Variants in ENOX1 observed in about 807,000 individuals in gnomAD.
ENOX1 encodes the protein candidate growth-related and time keeping constitutive hydroquinone (NADH) oxidase.
A neutral mutation model predicts 82.5 loss-of-function variants in ENOX1; 42 were observed. The ratio of observed to expected loss-of-function variants is 0.51; its 90% CI spans 0.40 to 0.66. The LOEUF is 0.66. Among genes scored for constraint, ENOX1 ranks in the 30% least tolerant of loss-of-function variants. The pLI is 0.00. For missense variants in ENOX1, 608 were observed against 811.6 expected, an observed-to-expected ratio of 0.75 and a Z score of 3.05; for synonymous variants, 271 against 282.2, an observed-to-expected ratio of 0.96 and a Z score of 0.40.
At chr13:43,470,286 A>G (rs1209161095) in intron 3 of ENOX1, among the ~76,000 whole-genome samples, 1 of 33,210 alleles carries the variant, frequency 3.0e-5, no homozygotes, top group African/African-American at 7.9e-5. Flanking sequence ...ATATATACAT[A>G]TATATATACA....
At chr13:43,430,990 G>A (rs1023809811) in intron 3 of ENOX1, among the ~76,000 whole-genome samples, 12 of 151,978 alleles carry the variant, frequency 7.9e-5, no homozygotes, top group African/African-American at 2.9e-4. Context: ...TCTTTGGGGA[G>A]AAAGATATTA....
At chr13:43,587,957 A>AC (rs538985097) in intron 2 of ENOX1, among the ~76,000 whole-genome samples, 1 of 151,764 alleles carries the variant, frequency 6.6e-6, no homozygotes, top group Non-Finnish European at 1.5e-5. Context: ...TTTCCAAAAA[A>AC]AAAAATCTAT....
chr13:43,550,714 T>C (rs536333486), intron 2 of ENOX1, among the ~76,000 whole-genome samples: 1 of 152,320 alleles, frequency 6.6e-6, no homozygotes, highest in Admixed American at 6.5e-5. Flanking sequence ...TTTCCCATGA[T>C]AATGTGCTCA....
At chr13:43,736,003 T>C (rs535565668) in intron 1 of ENOX1, among the ~76,000 whole-genome samples, 1 of 152,268 alleles carries the variant, frequency 6.6e-6, no homozygotes, top group Admixed American at 6.5e-5. Context: ...TCAAAACCCA[T>C]TTTCAGGACT....
chr13:43,577,154 CAG>C (rs1291787264), intron 2 of ENOX1, among the ~76,000 whole-genome samples: 1 of 150,906 alleles, frequency 6.6e-6, no homozygotes, highest in African/African-American at 2.4e-5. Flanking sequence ...TTTTTTGAGA[CAG>C]AGTCTCGCTC....
chr13:43,529,600 G>C (rs368610262), intron 2 of ENOX1, among the ~76,000 whole-genome samples: 4 of 152,128 alleles, frequency 2.6e-5, no homozygotes, highest in South Asian at 2.1e-4. Context: ...TGTGATAAGT[G>C]CTTACTTAAG....
chr13:43,252,151 T>G (rs1230906854), intron 14 of ENOX1, among the ~76,000 whole-genome samples: 3 of 152,212 alleles, frequency 2.0e-5, no homozygotes, highest in African/African-American at 4.8e-5. Flanking sequence ...GTCTGGAAAT[T>G]GTCCAGACAG....
At chr13:43,373,087 T>C (rs2051350610) in intron 5 of ENOX1, among the ~76,000 whole-genome samples, 1 of 152,170 alleles carries the variant, frequency 6.6e-6, no homozygotes, top group Admixed American at 6.5e-5. Flanking sequence ...TTGATAAACA[T>C]TATATCATTT....
intron 2 of ENOX1, among the ~76,000 whole-genome samples, chr13:43,520,688 G>A (rs1164037159): frequency 1.3e-5 from 2 of 152,286 alleles, no homozygotes; most frequent in African/African-American, 4.8e-5. Flanking sequence ...GAGATGGCAT[G>A]TGAGGATTTG....
intron 13 of ENOX1, among the ~76,000 whole-genome samples, chr13:43,268,595 G>A (rs2044512027): frequency 6.6e-6 from 1 of 151,826 alleles, no homozygotes; most frequent in African/African-American, 2.4e-5. Flanking sequence ...CACTCATAAA[G>A]TGACACAGAG....
intron 2 of ENOX1, among the ~76,000 whole-genome samples, chr13:43,599,709 C>G (rs190335379): frequency 6.6e-6 from 1 of 151,558 alleles, no homozygotes; most frequent in South Asian, 2.1e-4. Flanking sequence ...CAAAGGAGTG[C>G]GAGTACCGCC....
chr13:43,614,227 A>C (rs2082312914), intron 2 of ENOX1, among the ~76,000 whole-genome samples: 1 of 152,018 alleles, frequency 6.6e-6, no homozygotes, highest in East Asian at 1.9e-4. Context: ...CTATGGGAAG[A>C]CTCTATTGTG....
At chr13:43,410,838 G>A (rs1360582892) in intron 5 of ENOX1, among the ~76,000 whole-genome samples, 1 of 152,096 alleles carries the variant, frequency 6.6e-6, no homozygotes, top group Non-Finnish European at 1.5e-5. Context: ...CTACTTTGAT[G>A]GCCAAAAAGT....
At chr13:43,716,788 CA>C (rs33980324) in intron 1 of ENOX1, among the ~76,000 whole-genome samples, 14,476 of 147,842 alleles carry the variant, frequency 0.098, 1,474 homozygotes, top group African/African-American at 0.25. Context: ...ACAATACCCA[CA>C]AAAAAAAAAA....
intron 9 of ENOX1, among the ~76,000 whole-genome samples, chr13:43,343,586 C>A (rs2049192565): frequency 6.6e-6 from 1 of 152,176 alleles, no homozygotes; most frequent in Admixed American, 6.5e-5. Flanking sequence ...CTCTTCCATC[C>A]TATCCTGACA....
At chr13:43,660,699 G>A (rs1256176971) in intron 2 of ENOX1, among the ~76,000 whole-genome samples, 1 of 152,150 alleles carries the variant, frequency 6.6e-6, no homozygotes, top group Non-Finnish European at 1.5e-5. Flanking sequence ...AGAGTATTCA[G>A]AGAGAAAAAT....
chr13:43,623,566 C>T (rs995490363), intron 2 of ENOX1, among the ~76,000 whole-genome samples: 3 of 152,144 alleles, frequency 2.0e-5, no homozygotes, highest in African/African-American at 4.8e-5. Flanking sequence ...CTCACTTTCA[C>T]GGTTGGGGCA....
intron 2 of ENOX1, among the ~76,000 whole-genome samples, chr13:43,661,647 C>T (rs1163373030): frequency 6.6e-6 from 1 of 152,142 alleles, no homozygotes; most frequent in Non-Finnish European, 1.5e-5. Context: ...TCATGTGAAG[C>T]TGGCCTGGAT....
intron 9 of ENOX1, among the ~76,000 whole-genome samples, chr13:43,330,947 T>C (rs976666305): frequency 6.6e-6 from 1 of 152,218 alleles, no homozygotes; most frequent in African/African-American, 2.4e-5. Flanking sequence ...CACCCCAAAA[T>C]GTTTGGACAT....
Sources: allele counts gnomAD v4.1 joint callset (sites outside exome capture counted in the v4.1 genomes callset), GRCh38; gene constraint gnomAD v4.1.1; transcripts MANE v1.5; gene names NCBI Gene and HGNC (gene_info 2026-07-23, HGNC 2026-07-21).